The following KLC3 variants were observed in gnomAD, a reference collection of about 807,000 sequenced individuals.
The protein encoded by KLC3 is kinesin light chain 2.
KLC3 carries 72 observed loss-of-function variants against 62.9 expected under a neutral mutation model. The observed-to-expected ratio is 1.15, with a 90% CI of 0.95 to 1.39. The LOEUF (loss-of-function observed/expected upper bound fraction) is 1.39, where lower values mean the gene tolerates loss of function less well. KLC3 is among the 40% of genes most tolerant of loss of function. KLC3 has a pLI of 0.00. For missense variants in KLC3, 848 were observed against 691.6 expected (o/e 1.23, Z -2.54); for synonymous variants, 377 against 300.5 (o/e 1.25, Z -2.63).
chr19:45,350,273 A>AT, intron 8 of KLC3, 68 bp from the exon 9 acceptor site: 1 of 1,225,228 alleles, frequency 8.2e-7, no homozygotes, highest in Non-Finnish European at 1.2e-6. Context: ...AAAAAAAAAA[A>AT]AGGCGGGACT....
chr19:45,350,305 G>T, intron 8 of KLC3, 36 bp from the exon 9 acceptor site: 1 of 1,549,808 alleles, frequency 6.5e-7, no homozygotes, highest in Non-Finnish European at 8.9e-7. Flanking sequence ...TGGGAACTGG[G>T]GTCCGAAAAG....
rs368791622 is a variant in KLC3, at chr19:45,348,922, G to A, written c.969+1G>A. 91 of 1,574,036 alleles carry A rather than the reference G, an allele frequency of 5.8e-5. No individual in the cohort carries two copies. The African/African-American group carries it at 1.0e-3, about 18-fold the overall frequency. ...GCGCGCTTTGGAGATCCGAGAGAAG[G>A]TCCCATCCCCCTCACCCCACCCCGA... On this transcript the variant is annotated splice_donor_variant, in intron 7 of 12. Coordinates refer to ENST00000391946, the MANE Select transcript of KLC3 (RefSeq NM_177417.3). LOFTEE classifies it high-confidence loss of function.
rs1238155000 is a variant in KLC3, at chr19:45,348,633, G to A, written c.780-13G>A. The A allele has an allele frequency of 1.6e-5, 25 of 1,562,352 alleles. No homozygotes were observed. Among genetic ancestry groups the A allele is most frequent in the Non-Finnish European group, 2.1e-5 (24 of 1,153,548 alleles). ...TTGGCTAACCCCCTCCATTCCTGGG[G>A]CGCCCCCCACAGGGACCAGAACAAG... is the stretch of plus-strand genomic sequence containing the variant. On this transcript the variant is annotated splice_polypyrimidine_tract_variant and intron_variant, in intron 5 of 12. Coordinates refer to ENST00000391946, the MANE Select transcript of KLC3 (RefSeq NM_177417.3).
In KLC3 at chr19:45,347,451, C is replaced by A; in HGVS notation, c.494C>A (p.Ser165Tyr). 1.2e-6 allele frequency: 2 copies of A among 1,611,772 alleles called. No individual in the cohort carries two copies. Among genetic ancestry groups the A allele is most frequent in the Non-Finnish European group, 1.7e-6 (2 of 1,178,968 alleles). Residue 165 changes from serine to tyrosine, a missense_variant, in exon 4 of 13, where the codon TCT becomes TAT. By Grantham distance (144) the Ser-to-Tyr change is moderately radical. Transcript: ENST00000391946. The stretch of plus-strand genomic sequence containing the variant: ...CCCACTTTCCTGTCTCTGCAGCAGT[C>A]TGAGTCCCCGCCTCGCCGAGACAGC... ...QYDPPAESQQ[S>Y]ESPPRRDSLA...
At chr19:45,350,910 C>T (rs1971728207) in intron 11 of KLC3, 44 bp from the exon 12 acceptor site, 4 of 1,597,850 alleles carry the variant, frequency 2.5e-6, no homozygotes, top group South Asian at 1.1e-5. Flanking sequence ...GGAGGGGGGC[C>T]ACTCCTGGAT....
intron 3 of KLC3, 41 bp from the exon 4 acceptor site, chr19:45,347,406 A>G (rs770955794): frequency 2.0e-6 from 3 of 1,514,722 alleles, no homozygotes; most frequent in Admixed American, 1.9e-5. Flanking sequence ...CTCTGAAACA[A>G]GCCCCCACCA....
chr19:45,345,227 G>A, intron 1 of KLC3: 1 of 533,800 alleles, frequency 1.9e-6, no homozygotes, highest in South Asian at 2.5e-5. Flanking sequence ...GGGACCCCAG[G>A]CTAGCTGTTT....
chr19:45,351,213 A>C, intron 12 of KLC3, 73 bp from the exon 13 acceptor site: 3 of 1,589,814 alleles, frequency 1.9e-6, no homozygotes, highest in Non-Finnish European at 2.6e-6. Context: ...GCCAGGCTGG[A>C]CCTGGAGCTG....
intron 7 of KLC3, 81 bp from the exon 8 acceptor site, chr19:45,349,343 CCAACT>C: frequency 7.2e-7 from 1 of 1,393,260 alleles, no homozygotes; most frequent in East Asian, 2.3e-5. Flanking sequence ...CCTGTAATCC[CCAACT>C]CATGACCACC....
At chr19:45,351,060 G>A (rs199986033) in intron 12 of KLC3, 43 bp downstream of exon 12, 2 of 1,613,966 alleles carry the variant, frequency 1.2e-6, no homozygotes, top group South Asian at 1.1e-5. Flanking sequence ...GGCCATGTGG[G>A]TAGGTGCAGA....
chr19:45,350,459 C>CCTCCTGGTGGCTT lies in KLC3; in HGVS notation c.1234+32_1235-39dup, dbSNP rs774530370. 2.5e-6 allele frequency: 4 copies of CCTCCTGGTGGCTT among 1,612,966 alleles called. No individual in the cohort carries two copies. The Admixed American group carries it at 6.7e-5, about 27-fold the overall frequency. ...GAGCCCCTAGCCCCTGTCTGTCTTC[C>CCTCCTGGTGGCTT]CTCCTGGTGGCTTCTCTATGTCCCC... On this transcript the variant is annotated intron_variant, in intron 9 of 12. Transcript: ENST00000391946.
chr19:45,350,802 A>ACCCCAC (rs954552596), intron 11 of KLC3, 55 bp downstream of exon 11: 93 of 823,794 alleles, frequency 1.1e-4, no homozygotes, highest in East Asian at 6.7e-4. Flanking sequence ...TCCACAGCCC[A>ACCCCAC]CCCCACCCCC....
In KLC3 at chr19:45,347,497, C is replaced by G; in HGVS notation, c.540C>G (p.Ser180Arg). 1.2e-6 allele frequency: 2 copies of G among 1,612,274 alleles called. No individual in the cohort carries two copies. Among genetic ancestry groups the G allele is most frequent in the East Asian group, 2.2e-5 (1 of 44,802 alleles). ...RRDSLASLFP[S>R]EEEERKGPEA... ...ACAGCCTGGCCTCCCTGTTCCCCAG[C>G]GAGGAGGAGGAGAGGAAAGGTGGGT... The change falls in exon 4 of 13, where the codon AGC becomes AGG. Residue 180 changes from serine to arginine, a missense_variant. Physicochemically the swap from Ser to Arg is moderately radical, Grantham distance 110 (BLOSUM62 -1). Coordinates refer to ENST00000391946, the MANE Select transcript of KLC3 (RefSeq NM_177417.3).
At chr19:45,348,585 T>G in intron 5 of KLC3, 61 bp from the exon 6 acceptor site, 1 of 1,500,126 alleles carries the variant, frequency 6.7e-7, no homozygotes, top group South Asian at 1.2e-5. Context: ...GCCCAGCCCC[T>G]GTGGCTGCAG....
In KLC3 at chr19:45,346,677, G is replaced by T; in HGVS notation, c.392G>T (p.Arg131Leu). The T allele has an allele frequency of 6.4e-7, 1 of 1,559,610 alleles. No homozygotes were observed. Among genetic ancestry groups the T allele is most frequent in the Non-Finnish European group, 8.7e-7 (1 of 1,153,874 alleles). Residue 131 changes from arginine (R) to leucine (L), a missense_variant, in exon 3 of 13, where the codon CGG (arginine) becomes CTG (leucine). Arg to Leu is a moderately radical substitution (Grantham distance 102). Coordinates refer to ENST00000391946, the MANE Select transcript of KLC3 (RefSeq NM_177417.3). ...EELEETQRRL[R>L]ASEESVAQLE... ...CTGGAGGAGACGCAGCGGCGGCTTC[G>T]GGCCAGCGAGGAGTCCGTGGCCCAG...
intron 4 of KLC3, 73 bp downstream of exon 4, chr19:45,347,589 C>A: frequency 7.2e-7 from 1 of 1,389,708 alleles, no homozygotes; most frequent in Non-Finnish European, 9.9e-7. Flanking sequence ...TGCAGGACCC[C>A]AAAATCTCTG....
intron 1 of KLC3, among the ~76,000 whole-genome samples, chr19:45,341,453 C>G (rs1971392171): frequency 6.6e-6 from 1 of 150,976 alleles, no homozygotes; most frequent in South Asian, 2.1e-4. Context: ...ATGTGTGTGG[C>G]TGTGTGTGTG....
intron 3 of KLC3, 106 bp from the exon 4 acceptor site, chr19:45,347,340 CA>C (rs538695727): frequency 0.078 from 42,465 of 546,984 alleles, no homozygotes; most frequent in East Asian, 0.093. Flanking sequence ...AACTCCGTCT[CA>C]AAAAAAAAAA....
At chr19:45,348,622 C>T in intron 5 of KLC3, 24 bp from the exon 6 acceptor site, 1 of 1,556,254 alleles carries the variant, frequency 6.4e-7, no homozygotes, top group Non-Finnish European at 8.7e-7. Flanking sequence ...CTAACCCCCT[C>T]CATTCCTGGG....
Sources: allele counts gnomAD v4.1 joint callset (sites outside exome capture counted in the v4.1 genomes callset), GRCh38; gene constraint gnomAD v4.1.1; transcripts MANE v1.5; gene names NCBI Gene and HGNC (gene_info 2026-07-23, HGNC 2026-07-21).